The following COG5 variants were observed in gnomAD, a reference collection of about 807,000 sequenced individuals.
COG5 encodes component of oligomeric golgi complex 5.
Under a neutral mutation model 110.4 loss-of-function variants are expected in COG5, and 86 were observed. The ratio of observed to expected loss-of-function variants is 0.78; its 90% CI spans 0.65 to 0.93. The LOEUF is 0.93. Among genes scored for constraint, COG5 ranks in the 40% least tolerant of loss-of-function variants. COG5 has a pLI of 0.00. For synonymous variants in COG5, 360 were observed against 334.6 expected, an observed-to-expected ratio of 1.08 and a Z score of -0.83; for missense variants, 1,077 against 987.0, an observed-to-expected ratio of 1.09 and a Z score of -1.22.
chr7:107,371,000 T>A (rs1433582963), intron 8 of COG5, among the ~76,000 whole-genome samples: 1 of 152,008 alleles, frequency 6.6e-6, no homozygotes, highest in Non-Finnish European at 1.5e-5. Flanking sequence ...CTTTCATTTT[T>A]TTCCCCATTC....
rs1278178957 is a variant in COG5, at chr7:107,258,352, A to G, written c.1607T>C (p.Ile536Thr). 2.5e-6 allele frequency: 4 copies of G among 1,612,366 alleles called. No individual in the cohort carries two copies. Among genetic ancestry groups the G allele is most frequent in the Non-Finnish European group, 3.4e-6 (4 of 1,178,680 alleles). Residue 536 changes from isoleucine to threonine, a missense_variant, in exon 15 of 22, where the codon ATT becomes ACT. Transcript: ENST00000297135. ...TCTCTGTCCTTCAGTAAGAGGCCCA[A>G]TCACCTGACTTGCATCTCCTTGTGT... ...LSTQGDASQV[I>T]GPLTEGQRRN...
intron 11 of COG5, among the ~76,000 whole-genome samples, chr7:107,313,668 T>C (rs888901391): frequency 1.3e-5 from 2 of 152,120 alleles, no homozygotes; most frequent in Non-Finnish European, 2.9e-5. Context: ...ATTATATTAC[T>C]CCTACCTCTG....
chr7:107,251,543 A>G (rs1375678836), intron 16 of COG5, among the ~76,000 whole-genome samples: 1 of 152,192 alleles, frequency 6.6e-6, no homozygotes, highest in Non-Finnish European at 1.5e-5. Flanking sequence ...ATCAGAATTA[A>G]ATTAGAAATC....
chr7:107,512,391 A>G (rs1206356227), intron 6 of COG5, among the ~76,000 whole-genome samples: 1 of 152,242 alleles, frequency 6.6e-6, no homozygotes, highest in Non-Finnish European at 1.5e-5. Flanking sequence ...TCAGTGAAAT[A>G]AAAGAGGACA....
chr7:107,563,858 G>A lies in COG5; in HGVS notation c.39C>T (p.Leu13=), dbSNP rs150672871. The A allele has an allele frequency of 2.5e-6, 4 of 1,613,548 alleles. No homozygotes were observed. The highest frequency in any genetic ancestry group is 2.2e-5 in the East Asian group (1 of 44,886). ...GGGGSVAVAG[L]GARGSGAAAA... is the part of the protein sequence containing the mutation. ...CAGCCGCTCCAGAGCCTCGAGCTCCGAGGCCAGCTACAGCGACGCTGCCGC... is the reference window on the plus strand; with the variant it reads ...CAGCCGCTCCAGAGCCTCGAGCTCCAAGGCCAGCTACAGCGACGCTGCCGC... The change falls in exon 1 of 22, where the codon CTC becomes CTT. Residue 13 remains leucine, a synonymous_variant. Transcript: ENST00000297135.
intron 21 of COG5, among the ~76,000 whole-genome samples, chr7:107,204,977 A>G (rs1162246209): frequency 6.6e-6 from 1 of 152,164 alleles, no homozygotes; most frequent in Non-Finnish European, 1.5e-5. Context: ...CACCGAAACA[A>G]TTACCAAATC....
chr7:107,516,530 T>C (rs1020391242), intron 6 of COG5, among the ~76,000 whole-genome samples: 6 of 152,360 alleles, frequency 3.9e-5, no homozygotes, highest in Middle Eastern at 3.4e-3. Flanking sequence ...AGAATCACTG[T>C]CTAATTCAAA....
intron 5 of COG5, among the ~76,000 whole-genome samples, chr7:107,532,144 C>A (rs1308770014): frequency 6.6e-6 from 1 of 152,192 alleles, no homozygotes; most frequent in Non-Finnish European, 1.5e-5. Context: ...GCAACCTCCC[C>A]CTCCAGGGTT....
At chr7:107,247,727 A>G (rs1802159200) in intron 17 of COG5, among the ~76,000 whole-genome samples, 1 of 152,224 alleles carries the variant, frequency 6.6e-6, no homozygotes, top group Non-Finnish European at 1.5e-5. Context: ...AGATTTCTGT[A>G]AATATTGGAT....
intron 6 of COG5, among the ~76,000 whole-genome samples, chr7:107,432,759 T>C (rs1021661311): frequency 6.6e-6 from 1 of 152,106 alleles, no homozygotes; most frequent in African/African-American, 2.4e-5. Flanking sequence ...GATGCATCCA[T>C]TTTCGCAAAA....
intron 14 of COG5, among the ~76,000 whole-genome samples, chr7:107,280,685 T>G (rs1431730533): frequency 6.6e-6 from 1 of 152,060 alleles, no homozygotes; most frequent in Non-Finnish European, 1.5e-5. Context: ...ATATGTGTGC[T>G]TAACTTTCAA....
At chr7:107,375,644 T>C (rs993077597) in intron 7 of COG5, among the ~76,000 whole-genome samples, 2 of 152,096 alleles carry the variant, frequency 1.3e-5, no homozygotes, top group Non-Finnish European at 2.9e-5. Context: ...TATCTTCTTT[T>C]GTGAAGAACT....
chr7:107,477,415 C>T (rs1348732613), intron 6 of COG5, among the ~76,000 whole-genome samples: 3 of 151,488 alleles, frequency 2.0e-5, no homozygotes, highest in African/African-American at 7.3e-5. Context: ...CCAAAGAACT[C>T]AGTATAAAAA....
chr7:107,342,517 A>G (rs1006608769), intron 10 of COG5, among the ~76,000 whole-genome samples: 2 of 152,068 alleles, frequency 1.3e-5, no homozygotes, highest in Admixed American at 6.5e-5. Flanking sequence ...GTCTCTACTA[A>G]AAGTACAAAA....
chr7:107,379,780 G>T (rs1257550048), intron 7 of COG5, among the ~76,000 whole-genome samples: 1 of 152,022 alleles, frequency 6.6e-6, no homozygotes, highest in East Asian at 1.9e-4. Flanking sequence ...GATTCATAAA[G>T]CAAGTTCTTA....
At chr7:107,537,290 G>C (rs143234263) in intron 5 of COG5, among the ~76,000 whole-genome samples, 1 of 152,086 alleles carries the variant, frequency 6.6e-6, no homozygotes, top group Non-Finnish European at 1.5e-5. Context: ...ACACACACAC[G>C]TATGTTTACT....
At position 107,557,979 on chromosome 7, in the gene COG5, T is replaced by C. The variant is rs761783194; in HGVS notation, c.231A>G (p.Leu77=). The C allele has an allele frequency of 6.2e-7, 1 of 1,614,032 alleles. No homozygotes were observed. The highest frequency in any genetic ancestry group is 1.7e-5 in the Admixed American group (1 of 60,026). The change falls in exon 2 of 22, where the codon TTA becomes TTG. Residue 77 remains leucine (L), a synonymous_variant. Coordinates refer to ENST00000297135, the MANE Select transcript of COG5 (RefSeq NM_006348.5). ...GGACCCAGAAGATCAGAATTACCTG[T>C]AAGTGTAGTTCTCTGTCCAACTGAC... ...GISQLDRELH[L]QVVARHEDLL... is the part of the protein sequence containing the mutation.
chr7:107,208,727 G>C, intron 21 of COG5: 1 of 985,436 alleles, frequency 1.0e-6, no homozygotes, highest in Non-Finnish European at 1.2e-6. Flanking sequence ...CAAGGAAAAA[G>C]AGCAGGGTCC....
intron 7 of COG5, among the ~76,000 whole-genome samples, chr7:107,380,538 T>G (rs1421646183): frequency 2.0e-5 from 3 of 152,158 alleles, no homozygotes; most frequent in Non-Finnish European, 4.4e-5. Flanking sequence ...TAAACACCTC[T>G]ACACAAATAA....
Sources: gnomAD v4.1 joint callset for allele counts (sites outside exome capture counted in the v4.1 genomes callset) on GRCh38, gnomAD v4.1.1 for gene constraint, MANE v1.5 for transcripts, NCBI Gene and HGNC (gene_info 2026-07-23, HGNC 2026-07-21) for gene names.